The following PLCB1 variants were observed in gnomAD, a reference collection of about 807,000 sequenced individuals.
The protein encoded by PLCB1 is phospholipase C beta 1, also known as 1-phosphatidylinositol 4,5-bisphosphate phosphodiesterase beta-1.
PLCB1 carries 46 observed loss-of-function variants against 161.8 expected under a neutral mutation model. The ratio of observed to expected loss-of-function variants is 0.28; its 90% CI spans 0.22 to 0.36. The LOEUF (loss-of-function observed/expected upper bound fraction) is 0.36. Ranked by LOEUF, PLCB1 falls within the 10% of genes least tolerant of loss-of-function variation. The pLI is 1.00. For synonymous variants in PLCB1, 517 were observed against 503.7 expected (o/e 1.03, Z -0.35); for missense variants, 1,016 against 1,472.5 (o/e 0.69, Z 5.07).
intron 31 of PLCB1, among the ~76,000 whole-genome samples, chr20:8,838,840 G>A (rs1600372080): frequency 6.6e-6 from 1 of 152,190 alleles, no homozygotes; most frequent in African/African-American, 2.4e-5. Context: ...ACCAGATGTG[G>A]TTTCATTACT....
chr20:8,416,701 G>C (rs755320347), intron 3 of PLCB1, among the ~76,000 whole-genome samples: 1 of 152,078 alleles, frequency 6.6e-6, no homozygotes, highest in Non-Finnish European at 1.5e-5. Context: ...CCTGCTTGGA[G>C]ATGGAAGGAT....
intron 14 of PLCB1, among the ~76,000 whole-genome samples, chr20:8,719,094 T>A (rs1011298303): frequency 8.5e-5 from 13 of 152,346 alleles, no homozygotes; most frequent in Admixed American, 4.6e-4. Flanking sequence ...CTGATTTATC[T>A]TCCAAGTTCA....
At chr20:8,515,772 A>C (rs944115284) in intron 3 of PLCB1, among the ~76,000 whole-genome samples, 1 of 152,164 alleles carries the variant, frequency 6.6e-6, no homozygotes, top group African/African-American at 2.4e-5. Flanking sequence ...ACTGTCTATC[A>C]TTGCATTTGG....
At position 8,252,098 on chromosome 20, in the gene PLCB1, G is replaced by A. The variant is rs552682369; in HGVS notation, c.177+101727G>A. Among the ~76,000 whole-genome samples, 3 of 151,896 alleles carry A rather than the reference G, an allele frequency of 2.0e-5. No homozygotes were observed. In the South Asian group the frequency reaches 6.2e-4, roughly 32 times the overall value. On this transcript the variant is annotated intron_variant, in intron 2 of 31. Transcript: ENST00000338037. ...TATGAGTGATGGGGGAGTGAGGTTA[G>A]AGTGGTACATCTATCATAGACTGGA...
At chr20:8,480,315 A>ACT (rs10667446) in intron 3 of PLCB1, among the ~76,000 whole-genome samples, 2 of 12,468 alleles carry the variant, frequency 1.6e-4, no homozygotes, top group East Asian at 4.5e-3. Flanking sequence ...GAGAAAAACA[A>ACT]CAGATTTGGT....
At chr20:8,443,194 C>G (rs890257882) in intron 3 of PLCB1, among the ~76,000 whole-genome samples, 2 of 152,062 alleles carry the variant, frequency 1.3e-5, no homozygotes, top group Admixed American at 6.5e-5. Flanking sequence ...ATTGGTCAGA[C>G]TGGTCTTGAA....
At chr20:8,515,060 C>CA (rs1226808020) in intron 3 of PLCB1, among the ~76,000 whole-genome samples, 2 of 151,612 alleles carry the variant, frequency 1.3e-5, no homozygotes, top group Non-Finnish European at 2.9e-5. Context: ...GACAGGAAGA[C>CA]AAAAAACAAA....
chr20:8,647,104 TTTG>T (rs1268722361), intron 5 of PLCB1, among the ~76,000 whole-genome samples: 2 of 152,142 alleles, frequency 1.3e-5, no homozygotes, highest in East Asian at 3.8e-4. Context: ...CTCTCCTGAG[TTTG>T]TTAACTTAAG....
intron 3 of PLCB1, among the ~76,000 whole-genome samples, chr20:8,567,257 A>G (rs1005032720): frequency 6.6e-6 from 1 of 152,170 alleles, no homozygotes; most frequent in Non-Finnish European, 1.5e-5. Flanking sequence ...AGCAAGTACT[A>G]GAGTTTTAAC....
chr20:8,429,156 A>G (rs1600394481), intron 3 of PLCB1, among the ~76,000 whole-genome samples: 1 of 152,110 alleles, frequency 6.6e-6, no homozygotes, highest in South Asian at 2.1e-4. Flanking sequence ...TGACCCAACT[A>G]CACCTTCCTG....
intron 26 of PLCB1, among the ~76,000 whole-genome samples, chr20:8,765,824 A>T (rs2123587455): frequency 6.6e-6 from 1 of 152,122 alleles, no homozygotes; most frequent in East Asian, 1.9e-4. Context: ...AGAAGCTGGG[A>T]TTACGCCACT....
chr20:8,806,513 A>G (rs1043543148), intron 31 of PLCB1, among the ~76,000 whole-genome samples: 1 of 151,936 alleles, frequency 6.6e-6, no homozygotes, highest in Non-Finnish European at 1.5e-5. Flanking sequence ...TATACATGTC[A>G]ATGCTGTTTC....
chr20:8,713,480 G>A (rs1650277342), intron 12 of PLCB1, among the ~76,000 whole-genome samples: 1 of 152,122 alleles, frequency 6.6e-6, no homozygotes, highest in South Asian at 2.1e-4. Context: ...ACCATACCCA[G>A]CCCTCAGGCA....
chr20:8,320,886 A>C (rs1984885737), intron 2 of PLCB1, among the ~76,000 whole-genome samples: 1 of 151,850 alleles, frequency 6.6e-6, no homozygotes, highest in South Asian at 2.1e-4. Flanking sequence ...AAAAGGAAAG[A>C]AAGAAAGAGA....
At chr20:8,456,450 A>AT (rs924172863) in intron 3 of PLCB1, among the ~76,000 whole-genome samples, 9 of 152,096 alleles carry the variant, frequency 5.9e-5, no homozygotes, top group African/African-American at 1.7e-4. Flanking sequence ...GTTTTTGGGA[A>AT]TTTTTTTTCT....
intron 9 of PLCB1, among the ~76,000 whole-genome samples, chr20:8,684,250 TTA>T (rs1172262874): frequency 1.3e-5 from 2 of 148,856 alleles, no homozygotes; most frequent in African/African-American, 5.0e-5. Context: ...ATTTATTTAT[TTA>T]TTTATTTATT....
Position 8,882,811 on chromosome 20 carries a change from G to A in PLCB1, c.*962G>A, listed in dbSNP as rs41275596. 4 of 152,382 alleles carry A rather than the reference G, an allele frequency of 2.6e-5. No individual in the cohort carries two copies. The highest frequency in any genetic ancestry group is 4.2e-4 in the South Asian group (2 of 4,816). 9.4% of individuals were successfully genotyped at this position (152,382 alleles called of 1,614,324 possible). On this transcript the variant is annotated 3_prime_UTR_variant, in exon 32 of 32. Coordinates refer to ENST00000338037, the MANE Select transcript of PLCB1 (RefSeq NM_015192.4). Reference sequence around the variant, plus strand: ...GAGAGGAAGATTGAATATTTATCTAGAGAATACAAAGACCCACATGTAAAT... The same window carrying A: ...GAGAGGAAGATTGAATATTTATCTAAAGAATACAAAGACCCACATGTAAAT...
chr20:8,492,835 A>ATT (rs879284173), intron 3 of PLCB1, among the ~76,000 whole-genome samples: 63 of 113,076 alleles, frequency 5.6e-4, no homozygotes, highest in Non-Finnish European at 1.0e-3. Context: ...AGCAAACTTT[A>ATT]TTATATATAT....
In PLCB1 at chr20:8,348,078, T is replaced by A. The variant is rs113545503; in HGVS notation, c.178-23304T>A. Among the ~76,000 whole-genome samples the A allele has an allele frequency of 6.6e-3, 998 of 152,278 alleles. 12 individuals are homozygous for A. The highest frequency in any genetic ancestry group is 0.041 in the Middle Eastern group (12 of 294). On this transcript the variant is annotated intron_variant, in intron 2 of 31. Coordinates refer to ENST00000338037, the MANE Select transcript of PLCB1 (RefSeq NM_015192.4). ...TGATTGGGAGTATTTTGGGGAAAGA[T>A]ATGGTTGTGAACACTGCAAGTTTCT...
Sources: allele counts gnomAD v4.1 joint callset (sites outside exome capture counted in the v4.1 genomes callset), GRCh38; gene constraint gnomAD v4.1.1; transcripts MANE v1.5; gene names NCBI Gene and HGNC (gene_info 2026-07-23, HGNC 2026-07-21).